Variants in CADPS2 observed in about 807,000 individuals in gnomAD.
CADPS2 encodes calcium-dependent secretion activator 2.
A neutral mutation model predicts 172.5 loss-of-function variants in CADPS2; 93 were observed. The observed-to-expected ratio is 0.54, with a 90% CI of 0.46 to 0.64. The LOEUF is 0.64. Among genes scored for constraint, CADPS2 ranks in the 30% least tolerant of loss-of-function variants. CADPS2 has a pLI of 0.00. For synonymous variants in CADPS2, 546 were observed against 555.2 expected (o/e 0.98, Z 0.23); for missense variants, 1,420 against 1,565.9 (o/e 0.91, Z 1.57).
intron 20 of CADPS2, among the ~76,000 whole-genome samples, chr7:122,405,411 C>T (rs1463874540): frequency 6.6e-6 from 1 of 152,106 alleles, no homozygotes; most frequent in Non-Finnish European, 1.5e-5. Flanking sequence ...ATGTGTAATC[C>T]CAGCACTTTG....
chr7:122,427,619 T>C (rs760354263), intron 17 of CADPS2, among the ~76,000 whole-genome samples: 19 of 152,208 alleles, frequency 1.2e-4, no homozygotes, highest in Non-Finnish European at 2.2e-4. Flanking sequence ...CCATGTTTGC[T>C]ATAGATGAAG....
intron 22 of CADPS2, among the ~76,000 whole-genome samples, chr7:122,392,507 T>G (rs780621715): frequency 6.6e-6 from 1 of 152,084 alleles, no homozygotes; most frequent in Non-Finnish European, 1.5e-5. Flanking sequence ...AGATCTAAAT[T>G]CAGAACTGAT....
intron 2 of CADPS2, chr7:122,701,869 T>C (rs1173931826): frequency 1.9e-6 from 3 of 1,611,842 alleles, no homozygotes. Flanking sequence ...ACATGGGACA[T>C]GTCCTATGGG....
rs543765882 is a variant in CADPS2 at position 122,713,986 on chromosome 7, T to C, written c.453+22969A>G. 5.3e-5 allele frequency among the ~76,000 whole-genome samples: 8 copies of C among 152,244 alleles called. No individual in the cohort carries two copies. In the East Asian group the frequency reaches 1.5e-3, roughly 29 times the overall value. On this transcript the variant is annotated intron_variant, in intron 2 of 29. Coordinates refer to ENST00000449022, the MANE Select transcript of CADPS2 (RefSeq NM_017954.11). ...TTCAATATGTTGACAAAGAGCCTGGTTTCTCCAACTAATTATTACATTCAT... is the reference window on the plus strand; with the variant it reads ...TTCAATATGTTGACAAAGAGCCTGGCTTCTCCAACTAATTATTACATTCAT...
rs186520802 is a variant in CADPS2 at position 122,703,351 on chromosome 7, C to T, written c.453+33604G>A. ...TGGCATTCTGTGGGATGGTTCAACA[C>T]TACCGAATATGGCATTCTGTGGGAT... On this transcript the variant is annotated intron_variant, in intron 2 of 29. Transcript: ENST00000449022. Among the ~76,000 whole-genome samples the T allele has an allele frequency of 3.3e-5, 5 of 152,062 alleles. No individual in the cohort carries two copies. The East Asian group carries it at 9.7e-4, about 29-fold the overall frequency.
At chr7:122,849,541 T>C (rs1386798699) in intron 1 of CADPS2, among the ~76,000 whole-genome samples, 1 of 152,144 alleles carries the variant, frequency 6.6e-6, no homozygotes, top group Non-Finnish European at 1.5e-5. Flanking sequence ...CCGCAACATC[T>C]TTATCACCTA....
chr7:122,485,602 T>C (rs957690837), intron 11 of CADPS2, among the ~76,000 whole-genome samples: 5 of 152,204 alleles, frequency 3.3e-5, no homozygotes, highest in African/African-American at 4.8e-5. Context: ...CCATCTCTAT[T>C]ACATAAAAGT....
chr7:122,390,764 A>G (rs963831278), intron 22 of CADPS2, among the ~76,000 whole-genome samples: 1 of 152,074 alleles, frequency 6.6e-6, no homozygotes, highest in African/African-American at 2.4e-5. Context: ...GGTACATATA[A>G]CCTGCAATTT....
chr7:122,885,025 G>C lies in CADPS2; in HGVS notation c.339+974C>G, dbSNP rs149503698. Among the ~76,000 whole-genome samples, 263 of 152,236 alleles carry C rather than the reference G, an allele frequency of 1.7e-3. 1 individual carries two copies. The highest frequency in any genetic ancestry group is 6.0e-3 in the African/African-American group (251 of 41,544). ...GCCTTGAGCAGACTACAATCTCTCT[G>C]GATCTCTAGGTCTTGTCACAAACTG... On this transcript the variant is annotated intron_variant, in intron 1 of 29. Transcript: ENST00000449022.
chr7:122,819,666 G>T (rs373586029), intron 1 of CADPS2, among the ~76,000 whole-genome samples: 1 of 151,464 alleles, frequency 6.6e-6, no homozygotes, highest in Non-Finnish European at 1.5e-5. Flanking sequence ...ATCCCCACCT[G>T]CCCAGTTCCC....
At chr7:122,816,369 ATTTCATTCTTTTTT>A (rs1473203715) in intron 1 of CADPS2, among the ~76,000 whole-genome samples, 1 of 152,148 alleles carries the variant, frequency 6.6e-6, no homozygotes, top group Non-Finnish European at 1.5e-5. Flanking sequence ...AAATGACAAG[ATTTCATTCTTTTTT>A]ATGGCTGAAT....
At chr7:122,541,116 T>C (rs1176079474) in intron 8 of CADPS2, among the ~76,000 whole-genome samples, 2 of 151,950 alleles carry the variant, frequency 1.3e-5, no homozygotes, top group Non-Finnish European at 2.9e-5. Flanking sequence ...TAGGTGATAC[T>C]GTGGTTCAGA....
chr7:122,675,317 C>G (rs948733495), intron 2 of CADPS2, among the ~76,000 whole-genome samples: 2 of 152,180 alleles, frequency 1.3e-5, no homozygotes, highest in Admixed American at 1.3e-4. Flanking sequence ...CTTTGGCTCC[C>G]TGTTAACGCC....
At chr7:122,592,695 G>C (rs989731437) in intron 6 of CADPS2, among the ~76,000 whole-genome samples, 2 of 152,038 alleles carry the variant, frequency 1.3e-5, no homozygotes, top group Admixed American at 6.6e-5. Flanking sequence ...TGGGGACATG[G>C]ATGAAGGTGG....
At chr7:122,838,465 A>G (rs1224851697) in intron 1 of CADPS2, among the ~76,000 whole-genome samples, 2 of 152,172 alleles carry the variant, frequency 1.3e-5, no homozygotes, top group African/African-American at 2.4e-5. Context: ...AGGGTACTCA[A>G]TTAGGAAAAG....
chr7:122,537,705 A>C (rs565970189), intron 8 of CADPS2, among the ~76,000 whole-genome samples: 14 of 152,022 alleles, frequency 9.2e-5, no homozygotes, highest in African/African-American at 3.4e-4. Context: ...AAAGGAAATA[A>C]TGAAGATTTG....
rs189164321 is a variant in CADPS2, at chr7:122,541,904, T to G, written c.1475+12646A>C. ...ATATATATTCATATATATTTATATA[T>G]TCATATATATTTATATATAACTATT... On this transcript the variant is annotated intron_variant, in intron 8 of 29. Transcript: ENST00000449022. Among the ~76,000 whole-genome samples, 1,197 of 146,846 alleles carry G rather than the reference T, an allele frequency of 8.2e-3. 5 individuals are homozygous for G. Among genetic ancestry groups the G allele is most frequent in the Non-Finnish European group, 0.012 (822 of 66,992 alleles).
chr7:122,631,687 G>A (rs1177008535), intron 3 of CADPS2, among the ~76,000 whole-genome samples: 1 of 120,718 alleles, frequency 8.3e-6, no homozygotes, highest in Admixed American at 8.6e-5. Context: ...ACACTACATT[G>A]TCTTTTCTTT....
intron 8 of CADPS2, among the ~76,000 whole-genome samples, chr7:122,550,943 CT>C (rs1160142679): frequency 2.0e-5 from 3 of 152,050 alleles, no homozygotes; most frequent in Admixed American, 1.3e-4. Context: ...AAATATACGT[CT>C]TGTGGTAATG....
Sources: allele counts gnomAD v4.1 joint callset (sites outside exome capture counted in the v4.1 genomes callset), GRCh38; gene constraint gnomAD v4.1.1; transcripts MANE v1.5; gene names NCBI Gene and HGNC (gene_info 2026-07-23, HGNC 2026-07-21).